The following FANCL variants were observed in gnomAD, a reference collection of about 807,000 sequenced individuals.
FANCL encodes E3 ubiquitin-protein ligase FANCL.
A neutral mutation model predicts 59.4 loss-of-function variants in FANCL; 69 were observed. The observed-to-expected ratio is 1.16, with a 90% CI of 0.96 to 1.42. The LOEUF is 1.42. Ranked by LOEUF, FANCL falls within the 40% of genes most tolerant of loss-of-function variation. The pLI, the probability that FANCL is intolerant of heterozygous loss-of-function variation, is 0.00. For synonymous variants in FANCL, 180 were observed against 147.1 expected (o/e 1.22, Z -1.62); for missense variants, 519 against 447.2 (o/e 1.16, Z -1.45).
chr2:58,172,552 G>A (rs1222731526), intron 7 of FANCL, among the ~76,000 whole-genome samples: 2 of 152,212 alleles, frequency 1.3e-5, no homozygotes, highest in East Asian at 3.9e-4. Flanking sequence ...TCTGTTAACA[G>A]AGGGTCTGTT....
chr2:58,159,689 T>C lies in FANCL; in HGVS notation c.*76A>G, dbSNP rs1272106077. 6.2e-7 allele frequency: 1 copy of C among 1,612,366 alleles called. No homozygotes were observed. The highest frequency in any genetic ancestry group is 8.5e-7 in the Non-Finnish European group (1 of 1,179,410). On this transcript the variant is annotated 3_prime_UTR_variant, in exon 14 of 14. Transcript: ENST00000233741. ...TTAGTATTTCTTGCTTTATTTTTTC[T>C]CTGAAGATGATACCAAAATTCCTTT...
intron 7 of FANCL, among the ~76,000 whole-genome samples, chr2:58,184,979 A>G (rs1688264254): frequency 6.6e-6 from 1 of 152,146 alleles, no homozygotes; most frequent in Non-Finnish European, 1.5e-5. Context: ...TAAAAAATCT[A>G]TTTGTTGGTA....
intron 6 of FANCL, among the ~76,000 whole-genome samples, chr2:58,199,338 G>A (rs530703357): frequency 2.6e-5 from 4 of 151,960 alleles, no homozygotes; most frequent in Non-Finnish European, 5.9e-5. Context: ...TTTTCTTCTA[G>A]TCCTAAATTT....
At chr2:58,197,415 A>G (rs995990955) in intron 7 of FANCL, among the ~76,000 whole-genome samples, 4 of 152,116 alleles carry the variant, frequency 2.6e-5, no homozygotes, top group Non-Finnish European at 5.9e-5. Flanking sequence ...ATGTCACTAG[A>G]AATGTTTTTT....
At chr2:58,221,539 T>C (rs1373292881) in intron 5 of FANCL, among the ~76,000 whole-genome samples, 2 of 152,160 alleles carry the variant, frequency 1.3e-5, no homozygotes, top group Non-Finnish European at 2.9e-5. Context: ...ATGTTATATA[T>C]ATGTAAATTT....
At position 58,168,201 on chromosome 2, in the gene FANCL, C is replaced by T. The variant is rs578243495; in HGVS notation, c.541-2327G>A. Among the ~76,000 whole-genome samples the T allele has an allele frequency of 1.1e-4, 17 of 152,234 alleles. 1 individual carries two copies. Among genetic ancestry groups the T allele is most frequent in the Admixed American group, 9.1e-4 (14 of 15,306 alleles). On this transcript the variant is annotated intron_variant, in intron 7 of 13. Coordinates refer to ENST00000233741, the MANE Select transcript of FANCL (RefSeq NM_018062.4). Reference sequence around the variant, plus strand: ...AACAGCTCCAGTCTGCAGCTCCCAGCGAGATCAAGGCAGAAGGCAGGTGAT... The same window carrying T: ...AACAGCTCCAGTCTGCAGCTCCCAGTGAGATCAAGGCAGAAGGCAGGTGAT...
chr2:58,163,766 T>C (rs950158089), intron 8 of FANCL, among the ~76,000 whole-genome samples: 2 of 152,020 alleles, frequency 1.3e-5, no homozygotes, highest in African/African-American at 4.8e-5. Context: ...TAGATTGCAA[T>C]TCTGGTCAAC....
chr2:58,204,265 G>A (rs1199949777), intron 5 of FANCL, 39 bp from the exon 6 acceptor site: 18 of 1,402,594 alleles, frequency 1.3e-5, no homozygotes, highest in Non-Finnish European at 1.0e-6. Flanking sequence ...TCACACCGGG[G>A]AGAGCTGGAG....
chr2:58,161,198 A>G (rs1209501664), intron 12 of FANCL, among the ~76,000 whole-genome samples: 1 of 151,998 alleles, frequency 6.6e-6, no homozygotes, highest in African/African-American at 2.4e-5. Flanking sequence ...AAACCTATGA[A>G]GCTTACATTG....
chr2:58,238,990 T>C (rs1694271623), intron 1 of FANCL, among the ~76,000 whole-genome samples: 1 of 152,164 alleles, frequency 6.6e-6, no homozygotes, highest in African/African-American at 2.4e-5. Flanking sequence ...GTAATTTTTT[T>C]AAAAGTCCAT....
chr2:58,218,348 C>T (rs934335895), intron 5 of FANCL, among the ~76,000 whole-genome samples: 2 of 151,674 alleles, frequency 1.3e-5, no homozygotes, highest in African/African-American at 2.4e-5. Flanking sequence ...ATTAACAACG[C>T]TAAAAGTTGG....
At chr2:58,223,603 CAGAAA>C (rs1201387729) in intron 4 of FANCL, among the ~76,000 whole-genome samples, 1 of 151,946 alleles carries the variant, frequency 6.6e-6, no homozygotes, top group Non-Finnish European at 1.5e-5. Context: ...ATATTCTTCA[CAGAAA>C]AGAGGCAAAG....
chr2:58,168,175 G>C (rs888407051), intron 7 of FANCL, among the ~76,000 whole-genome samples: 11 of 152,066 alleles, frequency 7.2e-5, no homozygotes, highest in Non-Finnish European at 1.2e-4. Flanking sequence ...GGCCAAACAG[G>C]AACAGCTCCA....
intron 6 of FANCL, 107 bp downstream of exon 6, chr2:58,204,022 TA>T: frequency 1.2e-6 from 1 of 851,020 alleles, no homozygotes; most frequent in Non-Finnish European, 2.0e-6. Context: ...TAAAGCATGA[TA>T]TATGTATTTT....
chr2:58,209,135 C>T (rs1303217124), intron 5 of FANCL, among the ~76,000 whole-genome samples: 2 of 152,162 alleles, frequency 1.3e-5, no homozygotes, highest in African/African-American at 2.4e-5. Flanking sequence ...TCCAAACTCA[C>T]ATTGCTCCTT....
chr2:58,233,987 C>T (rs555998867), intron 1 of FANCL, among the ~76,000 whole-genome samples: 1 of 152,014 alleles, frequency 6.6e-6, no homozygotes, highest in Non-Finnish European at 1.5e-5. Flanking sequence ...CACTCGCCAA[C>T]ATTTCATCCA....
intron 1 of FANCL, among the ~76,000 whole-genome samples, chr2:58,240,009 A>C (rs1257351833): frequency 2.6e-5 from 4 of 152,058 alleles, no homozygotes. Context: ...ACTTTCATCT[A>C]ATCTCAATTC....
At chr2:58,159,897 A>T (rs1286254559) in intron 13 of FANCL, 97 bp from the exon 14 acceptor site, 1 of 1,562,956 alleles carries the variant, frequency 6.4e-7, no homozygotes, top group Non-Finnish European at 8.6e-7. Flanking sequence ...GTGTCATAGT[A>T]CAGTTTGGAA....
At chr2:58,176,834 T>G (rs1272898676) in intron 7 of FANCL, among the ~76,000 whole-genome samples, 1 of 151,692 alleles carries the variant, frequency 6.6e-6, no homozygotes, top group African/African-American at 2.4e-5. Flanking sequence ...ACCATCAGAG[T>G]GAACAGGCAA....
Sources: allele counts gnomAD v4.1 joint callset (sites outside exome capture counted in the v4.1 genomes callset), GRCh38; gene constraint gnomAD v4.1.1; transcripts MANE v1.5; gene names NCBI Gene and HGNC (gene_info 2026-07-23, HGNC 2026-07-21).